TIRAP: variants seen among roughly 807,000 people sequenced by gnomAD.
The protein encoded by TIRAP is TIR domain containing adaptor protein, also known as toll/interleukin-1 receptor domain-containing adapter protein.
A neutral mutation model predicts 19.8 loss-of-function variants in TIRAP; 20 were observed. The ratio of observed to expected loss-of-function variants is 1.01; its 90% CI spans 0.71 to 1.47. TIRAP has a LOEUF of 1.47. Ranked by LOEUF, TIRAP falls within the 40% of genes most tolerant of loss-of-function variation. The pLI, the probability that TIRAP is intolerant of heterozygous loss-of-function variation, is 0.00. For synonymous variants in TIRAP, 125 were observed against 121.7 expected, an observed-to-expected ratio of 1.03 and a Z score of -0.18; for missense variants, 276 against 285.1, an observed-to-expected ratio of 0.97 and a Z score of 0.23.
chr11:126,290,647 T>C lies in TIRAP; in HGVS notation c.-93+62T>C, dbSNP rs1285257533. On this transcript the variant is annotated intron_variant, in intron 2 of 4. Transcript: ENST00000392679. This position sits in a 1 kb window ranked among gnomAD's most constrained non-coding sequence, Gnocchi z 4.9. ...TAGAATCCAGCTCCAATCACAGTCG[T>C]GTCTGGCCCTAATCTCATGAGGAAT... The C allele has an allele frequency of 8.5e-6, 11 of 1,300,448 alleles. No homozygotes were observed. Among genetic ancestry groups the C allele is most frequent in the South Asian group, 8.3e-5 (4 of 48,276 alleles). 80.6% of individuals were successfully genotyped at this position (1,300,448 alleles called of 1,614,324 possible).
In TIRAP at chr11:126,285,243, G is replaced by GTGTGTGTGTATATATATA; in HGVS notation, c.-217+2091_-217+2092insGTGTGTGTATATATATAT. On this transcript the variant is annotated intron_variant, in intron 1 of 4. Transcript: ENST00000392679. ...ATTTATTGGATATATGTGTGTGTGT[G>GTGTGTGTGTATATATATA]TATATATATATATATATAATATATA... 7.8e-3 allele frequency among the ~76,000 whole-genome samples: 831 copies of GTGTGTGTGTATATATATA among 106,924 alleles called. 21 individuals are homozygous for GTGTGTGTGTATATATATA. Among genetic ancestry groups the GTGTGTGTGTATATATATA allele is most frequent in the East Asian group, 0.047 (179 of 3,824 alleles). 70.1% of individuals were successfully genotyped at this position (106,924 alleles called of 152,430 possible).
chr11:126,284,843 G>C (rs1480809412), intron 1 of TIRAP, among the ~76,000 whole-genome samples: 1 of 138,000 alleles, frequency 7.2e-6, no homozygotes, highest in Non-Finnish European at 1.6e-5. Context: ...GACAGAGGGA[G>C]ACTCCGTCTC....
chr11:126,286,556 G>C (rs1951324854), intron 1 of TIRAP, among the ~76,000 whole-genome samples: 1 of 152,166 alleles, frequency 6.6e-6, no homozygotes, highest in African/African-American at 2.4e-5. Flanking sequence ...AAACGTTTTA[G>C]CAAGTGTTTG....
rs543232963 is a variant in TIRAP, at chr11:126,292,647, A to T, written c.238A>T (p.Ser80Cys). The T allele has an allele frequency of 6.2e-7, 1 of 1,614,158 alleles. No homozygotes were observed. The highest frequency in any genetic ancestry group is 1.3e-5 in the African/African-American group (1 of 75,048). ...PPTHASDSGS[S>C]RWSKDYDVCV... ...CACACATGCGAGTGACAGTGGCAGTAGTCGCTGGAGCAAAGACTATGACGT... is the reference window on the plus strand; with the variant it reads ...CACACATGCGAGTGACAGTGGCAGTTGTCGCTGGAGCAAAGACTATGACGT... The change falls in exon 4 of 5, where the codon AGT becomes TGT. Residue 80 changes from serine (S) to cysteine (C), a missense_variant. Transcript: ENST00000392679.
chr11:126,290,431 A>G lies in TIRAP; in HGVS notation c.-216-31A>G. 1 of 989,152 alleles carries G rather than the reference A, an allele frequency of 1.0e-6. No individual in the cohort carries two copies. The highest frequency in any genetic ancestry group is 5.2e-4 in the Middle Eastern group (1 of 1,926). 61.3% of individuals were successfully genotyped at this position (989,152 alleles called of 1,614,324 possible). A position where few individuals can be genotyped will look rare whatever the true frequency, so the allele number is the denominator to read the frequency against. On this transcript the variant is annotated intron_variant, in intron 1 of 4. Transcript: ENST00000392679. The surrounding 1 kb of genome is among the most constrained non-coding windows in gnomAD (Gnocchi z 4.9). ...ATCTGGATACATAATTATTTGTCCA[A>G]ATAGCAACTGTCCTTCTTCTGCCAT...
At chr11:126,289,686 C>G in intron 1 of TIRAP, 1 of 985,412 alleles carries the variant, frequency 1.0e-6, no homozygotes, top group Non-Finnish European at 1.2e-6. Context: ...AGAAAGCAGC[C>G]CTGTGCCAGT....
chr11:126,286,054 GAAAAAA>G (rs1182840430), intron 1 of TIRAP, among the ~76,000 whole-genome samples: 1 of 48,326 alleles, frequency 2.1e-5, no homozygotes, highest in Non-Finnish European at 3.9e-5. Flanking sequence ...ACCCTCTCTG[GAAAAAA>G]AAAAAAAAAA....
At chr11:126,283,261 G>A in intron 1 of TIRAP, 108 bp downstream of exon 1, 2 of 590,542 alleles carry the variant, frequency 3.4e-6, no homozygotes, top group Non-Finnish European at 2.1e-6. Flanking sequence ...CCCACCGAGA[G>A]CCGCAGGGGT....
Position 126,290,691 on chromosome 11 carries a change from A to C in TIRAP, c.-93+106A>C. On this transcript the variant is annotated intron_variant, in intron 2 of 4. Coordinates refer to ENST00000392679, the MANE Select transcript of TIRAP (RefSeq NM_001318777.2). This position sits in a 1 kb window ranked among gnomAD's most constrained non-coding sequence, Gnocchi z 4.9. ...GAGGAATGAAAGACCCATTTAGAGA[A>C]GAAGCCTCTGTCAGGCATTAGGAGA... The C allele has an allele frequency of 2.9e-6, 4 of 1,364,552 alleles. No individual in the cohort carries two copies. The South Asian group carries it at 7.4e-5, about 25-fold the overall frequency. 84.5% of individuals were successfully genotyped at this position (1,364,552 alleles called of 1,614,324 possible). A position where few individuals can be genotyped will look rare whatever the true frequency, so the allele number is the denominator to read the frequency against.
Position 126,293,694 on chromosome 11 carries a change from T to C in TIRAP, c.*7T>C, listed in dbSNP as rs1951436762. ...TCTGCAGACACTCAGTTGACACTTG[T>C]TATATCATGGGACCCCGGAAATTGG... On this transcript the variant is annotated 3_prime_UTR_variant, in exon 5 of 5. Transcript: ENST00000392679. The C allele has an allele frequency of 2.5e-6, 4 of 1,614,158 alleles. No individual in the cohort carries two copies. Among genetic ancestry groups the C allele is most frequent in the South Asian group, 2.2e-5 (2 of 91,080 alleles).
chr11:126,292,407 C>G (rs1161621762), intron 3 of TIRAP, 70 bp from the exon 4 acceptor site: 10 of 1,550,686 alleles, frequency 6.4e-6, no homozygotes, highest in Non-Finnish European at 7.9e-6. Context: ...TGAGGTGGGG[C>G]TCCTCCCTGT....
In TIRAP at chr11:126,288,623, T is replaced by C. The variant is rs1421163817; in HGVS notation, c.-216-1839T>C. ...CGTTTCCATGTTTCTCATGAGGGCTTATACCACCGCACTTCTGGTGGCATA... is the reference window on the plus strand; with the variant it reads ...CGTTTCCATGTTTCTCATGAGGGCTCATACCACCGCACTTCTGGTGGCATA... On this transcript the variant is annotated intron_variant, in intron 1 of 4. Coordinates refer to ENST00000392679, the MANE Select transcript of TIRAP (RefSeq NM_001318777.2). The surrounding 1 kb of genome is among the most constrained non-coding windows in gnomAD (Gnocchi z 5.0). 2 of 152,350 alleles carry C rather than the reference T, an allele frequency of 1.3e-5. No individual in the cohort carries two copies. Among genetic ancestry groups the C allele is most frequent in the Admixed American group, 1.3e-4 (2 of 15,304 alleles). The allele number at this position is 152,350 out of a possible 1,614,324, so 9.4% of individuals were successfully genotyped here.
At position 126,292,915 on chromosome 11, in the gene TIRAP, C is replaced by T. The variant is rs764955992; in HGVS notation, c.506C>T (p.Pro169Leu). Residue 169 changes from proline to leucine, a missense_variant, in exon 4 of 5, where the codon CCA becomes CTA. By Grantham distance (98) the Pro-to-Leu change is moderately conservative. Coordinates refer to ENST00000392679, the MANE Select transcript of TIRAP (RefSeq NM_001318777.2). ...ATGCTGCAGGCCCTGACCGAGGCTC[C>T]AGGGGCCGAGGGCTGCACCATCCCC... ...YQMLQALTEA[P>L]GAEGCTIPLL... The T allele has an allele frequency of 4.3e-6, 7 of 1,613,758 alleles. No individual in the cohort carries two copies. In the Admixed American group the frequency reaches 6.7e-5, roughly 15 times the overall value.
Position 126,293,065 on chromosome 11 carries a change from T to C in TIRAP, c.646+10T>C, listed in dbSNP as rs2135294201. Reference sequence around the variant, plus strand: ...GAAGCTGTCATGCGTTGTAAGCTACTACAGGAGGGAGAAGGGGAACGGGAT... The same window carrying C: ...GAAGCTGTCATGCGTTGTAAGCTACCACAGGAGGGAGAAGGGGAACGGGAT... On this transcript the variant is annotated intron_variant, in intron 4 of 4. Coordinates refer to ENST00000392679, the MANE Select transcript of TIRAP (RefSeq NM_001318777.2). 1 of 1,614,124 alleles carries C rather than the reference T, an allele frequency of 6.2e-7. No individual in the cohort carries two copies. Among genetic ancestry groups the C allele is most frequent in the Non-Finnish European group, 8.5e-7 (1 of 1,180,032 alleles).
In TIRAP at chr11:126,292,504, A is replaced by G. The variant is rs1591374191; in HGVS notation, c.95A>G (p.Lys32Arg). Residue 32 changes from lysine to arginine, a missense_variant, in exon 4 of 5, where the codon AAG becomes AGG. Physicochemically the swap from Lys to Arg is conservative, Grantham distance 26 (BLOSUM62 2). Coordinates refer to ENST00000392679, the MANE Select transcript of TIRAP (RefSeq NM_001318777.2). ...ADWFRQTLLKKPKKRPNSPES... is the reference protein window; with the variant it reads ...ADWFRQTLLKRPKKRPNSPES... ...TGGTTCAGGCAGACCCTGCTGAAGAAGCCCAAGAAGAGGCCCAACTCCCCA... is the reference window on the plus strand; with the variant it reads ...TGGTTCAGGCAGACCCTGCTGAAGAGGCCCAAGAAGAGGCCCAACTCCCCA... 1 of 1,613,966 alleles carries G rather than the reference A, an allele frequency of 6.2e-7. No individual in the cohort carries two copies. The highest frequency in any genetic ancestry group is 2.2e-5 in the East Asian group (1 of 44,850).
chr11:126,293,135 T>C (rs1055403527), intron 4 of TIRAP, 80 bp downstream of exon 4: 3 of 1,600,630 alleles, frequency 1.9e-6, no homozygotes, highest in East Asian at 2.2e-5. Context: ...GAGACAGCCC[T>C]GTAGCCTAGT....
rs970748208 is a variant in TIRAP, at chr11:126,290,894, T to G, written c.-1T>G. On this transcript the variant is annotated 5_prime_UTR_variant, in exon 3 of 5. Coordinates refer to ENST00000392679, the MANE Select transcript of TIRAP (RefSeq NM_001318777.2). The surrounding 1 kb of genome is among the most constrained non-coding windows in gnomAD (Gnocchi z 4.9). ...ACGGGGCTAGTTTTGACCCCCACGC[T>G]ATGGCATCATCGACCTCCCTCCCAG... The G allele has an allele frequency of 1.2e-6, 2 of 1,604,488 alleles. No individual in the cohort carries two copies. Among genetic ancestry groups the G allele is most frequent in the African/African-American group, 1.3e-5 (1 of 74,958 alleles).
At position 126,292,669 on chromosome 11, in the gene TIRAP, A is replaced by T; in HGVS notation, c.260A>T (p.Asp87Val). 9 of 1,614,036 alleles carry T rather than the reference A, an allele frequency of 5.6e-6. No homozygotes were observed. The highest frequency in any genetic ancestry group is 7.6e-6 in the Non-Finnish European group (9 of 1,179,960). Residue 87 changes from aspartate to valine, a missense_variant, in exon 4 of 5, where the codon GAC (aspartate) becomes GTC (valine). Transcript: ENST00000392679. ...AGTAGTCGCTGGAGCAAAGACTATG[A>T]CGTCTGCGTGTGCCACAGTGAGGAA... ...SGSSRWSKDY[D>V]VCVCHSEEDL...
Position 126,290,264 on chromosome 11 carries a change from C to T in TIRAP, c.-216-198C>T, listed in dbSNP as rs1030059184. ...TACCTGCAGTCTGCAGTCTGTACCA[C>T]TTTTTGACATGACCTTCCTGAGCTG... is the stretch of plus-strand genomic sequence containing the variant. On this transcript the variant is annotated intron_variant, in intron 1 of 4. Transcript: ENST00000392679. This position sits in a 1 kb window ranked among gnomAD's most constrained non-coding sequence, Gnocchi z 4.9. Among the ~76,000 whole-genome samples the T allele has an allele frequency of 2.6e-5, 4 of 152,180 alleles. No homozygotes were observed. Among genetic ancestry groups the T allele is most frequent in the African/African-American group, 9.7e-5 (4 of 41,434 alleles).
Sources: gnomAD v4.1 joint callset for allele counts (sites outside exome capture counted in the v4.1 genomes callset) on GRCh38, gnomAD v4.1.1 for gene constraint, Gnocchi (gnomAD v3.1) non-coding constraint, MANE v1.5 for transcripts, NCBI Gene and HGNC (gene_info 2026-07-23, HGNC 2026-07-21) for gene names.